Variants in JPH4 observed in about 807,000 individuals in gnomAD.
JPH4 encodes junctophilin-4.
Under a neutral mutation model 57.6 loss-of-function variants are expected in JPH4, and 18 were observed. The ratio of observed to expected loss-of-function variants is 0.31; its 90% CI spans 0.22 to 0.46. The LOEUF (loss-of-function observed/expected upper bound fraction) is 0.46. Among genes scored for constraint, JPH4 ranks in the 20% least tolerant of loss-of-function variants. The pLI, the probability that JPH4 is intolerant of heterozygous loss-of-function variation, is 1.00. For synonymous variants in JPH4, 425 were observed against 406.6 expected (o/e 1.05, Z -0.54); for missense variants, 727 against 911.1 (o/e 0.80, Z 2.60).
At position 23,568,800 on chromosome 14, in the gene JPH4, A is replaced by G; in HGVS notation, c.*834T>C. ...AAGTGAGTCCAGACCAACCAAATAA[A>G]CTATTATGGGGGAGACAGAAGGGTG... On this transcript the variant is annotated 3_prime_UTR_variant, in exon 6 of 6. Transcript: ENST00000356300. 4.1e-6 allele frequency: 4 copies of G among 985,840 alleles called. No individual in the cohort carries two copies. Among genetic ancestry groups the G allele is most frequent in the Non-Finnish European group, 4.8e-6 (4 of 829,960 alleles). 61.1% of individuals were successfully genotyped at this position (985,840 alleles called of 1,614,324 possible).
At chr14:23,573,074 C>T (rs1383028147) in intron 3 of JPH4, 6 of 648,980 alleles carry the variant, frequency 9.2e-6, no homozygotes, top group Non-Finnish European at 1.4e-5. Context: ...GATCACACCC[C>T]ATGACTTCCT....
chr14:23,571,535 T>C lies in JPH4; in HGVS notation c.1271-75A>G. ...GAGTGGCTGCAGCTTTATTCCTGAC[T>C]GGGCACTTCCCAGGACTTTGGAATT... On this transcript the variant is annotated intron_variant, in intron 4 of 5. Transcript: ENST00000356300. The surrounding 1 kb of genome is among the most constrained non-coding windows in gnomAD (Gnocchi z 4.6). 6.6e-7 allele frequency: 1 copy of C among 1,521,834 alleles called. No individual in the cohort carries two copies. Among genetic ancestry groups the C allele is most frequent in the East Asian group, 2.3e-5 (1 of 44,358 alleles). The allele number at this position is 1,521,834 out of a possible 1,614,324, so 94.3% of individuals were successfully genotyped here.
chr14:23,578,529 G>A lies in JPH4; in HGVS notation c.-521C>T, dbSNP rs960055259. The A allele has an allele frequency of 6.6e-6, 1 of 151,510 alleles. No homozygotes were observed. Among genetic ancestry groups the A allele is most frequent in the African/African-American group, 2.4e-5 (1 of 41,160 alleles). The allele number at this position is 151,510 out of a possible 1,614,324, so 9.4% of individuals were successfully genotyped here. On this transcript the variant is annotated 5_prime_UTR_variant, in exon 1 of 6. Transcript: ENST00000356300. Reference sequence around the variant, plus strand: ...TTTTTTCTTCTTATGGTTGGGAGAGGAAAAATAAATCAAAATTCCGATTCC... The same window carrying A: ...TTTTTTCTTCTTATGGTTGGGAGAGAAAAAATAAATCAAAATTCCGATTCC...
Position 23,575,290 on chromosome 14 carries a change from C to T in JPH4, c.1151+395G>A. 3.6e-6 allele frequency: 1 copy of T among 274,540 alleles called. No individual in the cohort carries two copies. Among genetic ancestry groups the T allele is most frequent in the Non-Finnish European group, 7.0e-6 (1 of 142,662 alleles). The allele number at this position is 274,540 out of a possible 1,614,324, so 17.0% of individuals were successfully genotyped here. A position where few individuals can be genotyped will look rare whatever the true frequency, so the allele number is the denominator to read the frequency against. ...CAGGGTTGATGCTCCCAGCCTGAGG[C>T]CTGGAGGCTGGATCAGCTGCAAGAG... On this transcript the variant is annotated intron_variant, in intron 3 of 5. Transcript: ENST00000356300. This position sits in a 1 kb window ranked among gnomAD's most constrained non-coding sequence, Gnocchi z 6.9.
In JPH4 at chr14:23,571,567, C is replaced by T. The variant is rs915932501; in HGVS notation, c.1271-107G>A. Reference sequence around the variant, plus strand: ...TTCCCAGGACTTTGGAATTCCCAGGCTCATAGCCTCTCACCGCCAGACCCC... The same window carrying T: ...TTCCCAGGACTTTGGAATTCCCAGGTTCATAGCCTCTCACCGCCAGACCCC... On this transcript the variant is annotated intron_variant, in intron 4 of 5. Transcript: ENST00000356300. This position sits in a 1 kb window ranked among gnomAD's most constrained non-coding sequence, Gnocchi z 4.6. 2.2e-6 allele frequency: 3 copies of T among 1,348,852 alleles called. No individual in the cohort carries two copies. The South Asian group carries it at 4.1e-5, about 18-fold the overall frequency. The allele number at this position is 1,348,852 out of a possible 1,614,324, so 83.6% of individuals were successfully genotyped here.
rs1165639461 is a variant in JPH4 at position 23,576,074 on chromosome 14, G to A, written c.762C>T (p.Ser254=). ...TGGCCTCCGAGCCGGGCGGTCCGGT[G>A]CTGCCCACCTCGCTGCTCACCTCGC... ...LRSEVSSEVG[S]TGPPGSEASG... is the part of the protein sequence containing the mutation. The change falls in exon 3 of 6, where the codon AGC becomes AGT. Residue 254 remains serine (S), a synonymous_variant. Coordinates refer to ENST00000356300, the MANE Select transcript of JPH4 (RefSeq NM_001146028.2). The surrounding 1 kb of genome is among the most constrained non-coding windows in gnomAD (Gnocchi z 8.0). The A allele has an allele frequency of 2.3e-6, 3 of 1,309,440 alleles. No homozygotes were observed. The highest frequency in any genetic ancestry group is 2.9e-6 in the Non-Finnish European group (3 of 1,034,272). The allele number at this position is 1,309,440 out of a possible 1,614,324, so 81.1% of individuals were successfully genotyped here. A position where few individuals can be genotyped will look rare whatever the true frequency, so the allele number is the denominator to read the frequency against.
Position 23,568,458 on chromosome 14 carries a change from G to A in JPH4, c.*1176C>T. The A allele has an allele frequency of 1.0e-6, 1 of 985,722 alleles. No homozygotes were observed. The highest frequency in any genetic ancestry group is 1.2e-6 in the Non-Finnish European group (1 of 829,964). The allele number at this position is 985,722 out of a possible 1,614,324, so 61.1% of individuals were successfully genotyped here. A position where few individuals can be genotyped will look rare whatever the true frequency, so the allele number is the denominator to read the frequency against. On this transcript the variant is annotated 3_prime_UTR_variant, in exon 6 of 6. Transcript: ENST00000356300. ...GGCTCTCCACCCACCTGTCACCCGG[G>A]TTTGACTCCCACCTCTGCCCTGCCT...
In JPH4 at chr14:23,575,987, C is replaced by A. The variant is rs1350085952; in HGVS notation, c.849G>T (p.Ala283=). The A allele has an allele frequency of 7.3e-6, 11 of 1,500,272 alleles. No homozygotes were observed. Among genetic ancestry groups the A allele is most frequent in the East Asian group, 2.5e-5 (1 of 40,450 alleles). 92.9% of individuals were successfully genotyped at this position (1,500,272 alleles called of 1,614,324 possible). Residue 283 remains alanine, a synonymous_variant, in exon 3 of 6, where the codon GCG becomes GCT. Transcript: ENST00000356300. The surrounding 1 kb of genome is among the most constrained non-coding windows in gnomAD (Gnocchi z 6.9). Reference sequence around the variant, plus strand: ...TGCGCCGATCTGCGCGCCACTCGCCCGCGTACACCTCTGTGGCCGAGCCCT... The same window carrying A: ...TGCGCCGATCTGCGCGCCACTCGCCAGCGTACACCTCTGTGGCCGAGCCCT... ...LIEGSATEVY[A]GEWRADRRSG... is the part of the protein sequence containing the mutation.
rs1269924288 is a variant in JPH4, at chr14:23,571,839, C to G, written c.1233G>C (p.Leu411=). 6.2e-7 allele frequency: 1 copy of G among 1,612,964 alleles called. No individual in the cohort carries two copies. The change falls in exon 4 of 6, where the codon CTG becomes CTC. Residue 411 remains leucine (L), a synonymous_variant. Coordinates refer to ENST00000356300, the MANE Select transcript of JPH4 (RefSeq NM_001146028.2). This position sits in a 1 kb window ranked among gnomAD's most constrained non-coding sequence, Gnocchi z 4.6. ...KAVEAARMAK[L]IAQDLQPMLE... is the part of the protein sequence containing the mutation. ...GCATGGGCTGCAGGTCCTGGGCTAT[C>G]AGTTTGGCCATTCGAGCTGCCTCCA...
intron 5 of JPH4, among the ~76,000 whole-genome samples, chr14:23,570,003 G>C (rs1334629338): frequency 6.6e-6 from 1 of 152,108 alleles, no homozygotes; most frequent in African/African-American, 2.4e-5. Flanking sequence ...GGCCTTAGTA[G>C]CAGACATTGG....
rs1249457674 is a variant in JPH4 at position 23,576,762 on chromosome 14, G to A, written c.380-306C>T. ...ACAGGCTGGTCAGGGCGTTTAGATAGGCAAACAGTACTCTGAGGGGCACGC... is the reference window on the plus strand; with the variant it reads ...ACAGGCTGGTCAGGGCGTTTAGATAAGCAAACAGTACTCTGAGGGGCACGC... On this transcript the variant is annotated intron_variant, in intron 2 of 5. Transcript: ENST00000356300. The surrounding 1 kb of genome is among the most constrained non-coding windows in gnomAD (Gnocchi z 8.0). 6.6e-6 allele frequency among the ~76,000 whole-genome samples: 1 copy of A among 152,150 alleles called. No individual in the cohort carries two copies. Among genetic ancestry groups the A allele is most frequent in the Admixed American group, 6.5e-5 (1 of 15,274 alleles).
rs1889117574 is a variant in JPH4 at position 23,570,907 on chromosome 14, AG to A, written c.1803+20del. On this transcript the variant is annotated intron_variant, in intron 5 of 5. Transcript: ENST00000356300. ...AAGGCTTTGGGAGAAGAGGGCACAC[AG>A]CAGGGACAGAGGATCTCACCGGCTG... The A allele has an allele frequency of 6.7e-7, 1 of 1,499,966 alleles. No homozygotes were observed. The highest frequency in any genetic ancestry group is 1.4e-5 in the African/African-American group (1 of 71,568). The allele number at this position is 1,499,966 out of a possible 1,614,324, so 92.9% of individuals were successfully genotyped here. A position where few individuals can be genotyped will look rare whatever the true frequency, so the allele number is the denominator to read the frequency against.
Position 23,577,362 on chromosome 14 carries a change from G to C in JPH4, c.92C>G (p.Thr31Arg). ...AGRAHGYGVC[T>R]GPGAQGEYSG... ...GTACTCGCCCTGGGCGCCGGGGCCC[G>C]TGCACACGCCGTAGCCATGTGCCCG... Residue 31 changes from threonine (T) to arginine (R), a missense_variant, in exon 2 of 6, where the codon ACG (threonine) becomes AGG (arginine). Thr to Arg is a moderately conservative substitution (Grantham distance 71, BLOSUM62 -1). Coordinates refer to ENST00000356300, the MANE Select transcript of JPH4 (RefSeq NM_001146028.2). The surrounding 1 kb of genome is among the most constrained non-coding windows in gnomAD (Gnocchi z 8.4). 2 of 1,520,436 alleles carry C rather than the reference G, an allele frequency of 1.3e-6. No individual in the cohort carries two copies. The highest frequency in any genetic ancestry group is 1.2e-5 in the South Asian group (1 of 81,992). 94.2% of individuals were successfully genotyped at this position (1,520,436 alleles called of 1,614,324 possible).
chr14:23,570,131 C>T (rs913081831), intron 5 of JPH4, among the ~76,000 whole-genome samples: 1 of 152,056 alleles, frequency 6.6e-6, no homozygotes, highest in Non-Finnish European at 1.5e-5. Flanking sequence ...CTCCGCCTCT[C>T]CCGGTTTTCT....
intron 3 of JPH4, among the ~76,000 whole-genome samples, chr14:23,573,903 A>G (rs1276594770): frequency 3.3e-5 from 5 of 151,194 alleles, no homozygotes; most frequent in Non-Finnish European, 5.9e-5. Context: ...TCTACTCTGC[A>G]TTTGGCATGT....
In JPH4 at chr14:23,576,982, T is replaced by C; in HGVS notation, c.379+93A>G. 1 of 1,369,018 alleles carries C rather than the reference T, an allele frequency of 7.3e-7. No homozygotes were observed. Among genetic ancestry groups the C allele is most frequent in the Admixed American group, 3.0e-5 (1 of 33,554 alleles). 84.8% of individuals were successfully genotyped at this position (1,369,018 alleles called of 1,614,324 possible). On this transcript the variant is annotated intron_variant, in intron 2 of 5. Coordinates refer to ENST00000356300, the MANE Select transcript of JPH4 (RefSeq NM_001146028.2). The surrounding 1 kb of genome is among the most constrained non-coding windows in gnomAD (Gnocchi z 8.0). ...GGAATGGTGGCGGGGGAAAGAAGGATGGGCGCAAGGGCGCAAATGGCGGGC... is the reference window on the plus strand; with the variant it reads ...GGAATGGTGGCGGGGGAAAGAAGGACGGGCGCAAGGGCGCAAATGGCGGGC...
Position 23,571,575 on chromosome 14 carries a change from C to A in JPH4, c.1271-115G>T. On this transcript the variant is annotated intron_variant, in intron 4 of 5. Coordinates refer to ENST00000356300, the MANE Select transcript of JPH4 (RefSeq NM_001146028.2). The surrounding 1 kb of genome is among the most constrained non-coding windows in gnomAD (Gnocchi z 4.6). ...ACTTTGGAATTCCCAGGCTCATAGC[C>A]TCTCACCGCCAGACCCCAAACCCCC... is the stretch of plus-strand genomic sequence containing the variant. 7.6e-7 allele frequency: 1 copy of A among 1,308,012 alleles called. No individual in the cohort carries two copies. Among genetic ancestry groups the A allele is most frequent in the East Asian group, 2.3e-5 (1 of 42,986 alleles). 81.0% of individuals were successfully genotyped at this position (1,308,012 alleles called of 1,614,324 possible). A position where few individuals can be genotyped will look rare whatever the true frequency, so the allele number is the denominator to read the frequency against.
At position 23,571,961 on chromosome 14, in the gene JPH4, A is replaced by C. The variant is rs1268053564; in HGVS notation, c.1152-41T>G. On this transcript the variant is annotated intron_variant, in intron 3 of 5. Transcript: ENST00000356300. This position sits in a 1 kb window ranked among gnomAD's most constrained non-coding sequence, Gnocchi z 4.6. ...ACAGGGATTTAGCAGAACTTCCCCC[A>C]CTTCAAGTTAGTCCCTGCTCAGATG... 6.4e-7 allele frequency: 1 copy of C among 1,573,108 alleles called. No homozygotes were observed. The highest frequency in any genetic ancestry group is 8.7e-7 in the Non-Finnish European group (1 of 1,151,248).
chr14:23,572,836 C>T (rs1889185714), intron 3 of JPH4: 4 of 702,282 alleles, frequency 5.7e-6, no homozygotes, highest in Non-Finnish European at 1.0e-5. Context: ...CTACCACCTT[C>T]CCTGCTCCTT....
Sources: gnomAD v4.1 joint callset for allele counts (sites outside exome capture counted in the v4.1 genomes callset) on GRCh38, gnomAD v4.1.1 for gene constraint, Gnocchi (gnomAD v3.1) non-coding constraint, MANE v1.5 for transcripts, NCBI Gene and HGNC (gene_info 2026-07-23, HGNC 2026-07-21) for gene names.